Variants in CCDC171 observed in about 807,000 individuals in gnomAD.
CCDC171 encodes the protein coiled-coil domain-containing protein 171.
A neutral mutation model predicts 168.2 loss-of-function variants in CCDC171; 177 were observed. That is an observed-to-expected ratio of 1.05 (90% confidence interval 0.93 to 1.19). The LOEUF is 1.19. Ranked by LOEUF, CCDC171 falls within the 50% of genes most tolerant of loss-of-function variation. CCDC171 has a pLI of 0.00. For synonymous variants in CCDC171, 687 were observed against 540.8 expected, an observed-to-expected ratio of 1.27 and a Z score of -3.75; for missense variants, 1,991 against 1,539.0, an observed-to-expected ratio of 1.29 and a Z score of -4.91.
chr9:15,944,771 C>T (rs1441070819), intron 25 of CCDC171, among the ~76,000 whole-genome samples: 3 of 151,880 alleles, frequency 2.0e-5, no homozygotes, highest in Admixed American at 6.6e-5. Context: ...ACTACCAAGG[C>T]CACAAAGTAA....
chr9:16,019,080 C>G (rs1345029674), intron 3 of CCDC171, among the ~76,000 whole-genome samples: 1 of 152,198 alleles, frequency 6.6e-6, no homozygotes, highest in Non-Finnish European at 1.5e-5. Context: ...AAAACATTAA[C>G]AGTTCCTTTC....
chr9:15,940,248 T>C (rs149203833), intron 25 of CCDC171, among the ~76,000 whole-genome samples: 200 of 152,110 alleles, frequency 1.3e-3, no homozygotes, highest in African/African-American at 4.7e-3. Flanking sequence ...GAATAAAGAC[T>C]TTTCATAGTA....
chr9:15,672,173 C>G lies in CCDC171; in HGVS notation c.1076+5850C>G, dbSNP rs189089846. Among the ~76,000 whole-genome samples, 19 of 152,256 alleles carry G rather than the reference C, an allele frequency of 1.2e-4. No homozygotes were observed. The East Asian group carries it at 2.3e-3, about 19-fold the overall frequency. ...CTTTTGAGTAGTGTCTGTTCATATC[C>G]TTTGCCCACTTTTTGATGGGGTTGT... is the stretch of plus-strand genomic sequence containing the variant. On this transcript the variant is annotated intron_variant, in intron 9 of 25. Coordinates refer to ENST00000380701, the MANE Select transcript of CCDC171 (RefSeq NM_173550.4).
chr9:15,587,962 C>T (rs368647783), intron 4 of CCDC171, among the ~76,000 whole-genome samples: 2 of 152,244 alleles, frequency 1.3e-5, no homozygotes, highest in South Asian at 2.1e-4. Flanking sequence ...TGAGGCCAGG[C>T]GCGGTGGCTC....
the CCDC171 span, among the ~76,000 whole-genome samples, chr9:16,078,767 T>C: frequency 6.6e-6 from 1 of 152,220 alleles, no homozygotes; most frequent in African/African-American, 2.4e-5. Flanking sequence ...TACCATTTGG[T>C]GCCCTTGGCC....
At chr9:15,604,476 T>G (rs1587348971) in intron 6 of CCDC171, among the ~76,000 whole-genome samples, 1 of 152,330 alleles carries the variant, frequency 6.6e-6, no homozygotes, top group East Asian at 1.9e-4. Context: ...ATGTTTTCAT[T>G]TTTATTTCAT....
intron 22 of CCDC171, among the ~76,000 whole-genome samples, chr9:15,847,724 G>C (rs1160633732): frequency 2.0e-5 from 3 of 151,862 alleles, no homozygotes; most frequent in Non-Finnish European, 4.4e-5. Context: ...ATAAAATATC[G>C]TCAGATATGA....
At chr9:15,600,317 G>C (rs1006242980) in intron 6 of CCDC171, among the ~76,000 whole-genome samples, 4 of 152,158 alleles carry the variant, frequency 2.6e-5, no homozygotes, top group Non-Finnish European at 5.9e-5. Flanking sequence ...GGGTTTTGGT[G>C]TGGGTGTCCT....
intron 1 of CCDC171, among the ~76,000 whole-genome samples, chr9:16,055,013 C>G (rs936169401): frequency 6.6e-6 from 1 of 152,036 alleles, no homozygotes; most frequent in Non-Finnish European, 1.5e-5. Flanking sequence ...GCTGCGGTGG[C>G]CAGGTGAGAG....
At chr9:15,735,151 A>C (rs2054408424) in intron 16 of CCDC171, among the ~76,000 whole-genome samples, 1 of 152,210 alleles carries the variant, frequency 6.6e-6, no homozygotes, top group Non-Finnish European at 1.5e-5. Flanking sequence ...CTACTAGAAA[A>C]ATGAAATTTG....
chr9:16,005,896 C>G (rs2132965366), intron 3 of CCDC171, among the ~76,000 whole-genome samples: 1 of 152,140 alleles, frequency 6.6e-6, no homozygotes, highest in East Asian at 1.9e-4. Context: ...TGAGAAAGTG[C>G]TAGATTGTTT....
intron 6 of CCDC171, among the ~76,000 whole-genome samples, chr9:15,609,894 A>G (rs2043523048): frequency 6.6e-6 from 1 of 152,144 alleles, no homozygotes; most frequent in Non-Finnish European, 1.5e-5. Flanking sequence ...ATTTTGATTA[A>G]AATTGGATTG....
chr9:16,098,793 A>C, the CCDC171 span, among the ~76,000 whole-genome samples: 1 of 152,178 alleles, frequency 6.6e-6, no homozygotes, highest in Non-Finnish European at 1.5e-5. Flanking sequence ...TCCCCCTTTG[A>C]AGAAATAGAC....
intron 9 of CCDC171, among the ~76,000 whole-genome samples, chr9:15,676,599 C>T (rs1035927586): frequency 1.3e-5 from 2 of 151,976 alleles, no homozygotes; most frequent in African/African-American, 4.8e-5. Flanking sequence ...TTAACATCAT[C>T]CTTGGAATTC....
chr9:15,979,872 A>G (rs181495657), intron 3 of CCDC171, among the ~76,000 whole-genome samples: 123 of 151,930 alleles, frequency 8.1e-4, no homozygotes, highest in African/African-American at 2.9e-3. Context: ...AATTTTTTGA[A>G]CATACTTAGA....
chr9:15,958,834 A>G (rs1221179279), intron 25 of CCDC171, among the ~76,000 whole-genome samples: 3 of 152,186 alleles, frequency 2.0e-5, no homozygotes, highest in Non-Finnish European at 4.4e-5. Flanking sequence ...GGGTCATAAC[A>G]GAAGGTGTCA....
At chr9:15,683,966 TG>T (rs1463194034) in intron 10 of CCDC171, among the ~76,000 whole-genome samples, 3 of 152,120 alleles carry the variant, frequency 2.0e-5, no homozygotes, top group African/African-American at 7.2e-5. Context: ...CTGACATCCG[TG>T]GAAGTGGCAT....
At chr9:15,626,148 T>C (rs1172578050) in intron 7 of CCDC171, among the ~76,000 whole-genome samples, 1 of 152,230 alleles carries the variant, frequency 6.6e-6, no homozygotes. Flanking sequence ...ATGCTTGTGA[T>C]TTTTGCACAT....
At chr9:15,563,417 C>T (rs1212008145) in intron 1 of CCDC171, among the ~76,000 whole-genome samples, 3 of 152,104 alleles carry the variant, frequency 2.0e-5, no homozygotes, top group African/African-American at 4.8e-5. Flanking sequence ...GGATTACAGT[C>T]GTGAGCCACC....
Sources: gnomAD v4.1 joint callset for allele counts (sites outside exome capture counted in the v4.1 genomes callset) on GRCh38, gnomAD v4.1.1 for gene constraint, MANE v1.5 for transcripts, NCBI Gene and HGNC (gene_info 2026-07-23, HGNC 2026-07-21) for gene names.